The following SLIT2 variants were observed in gnomAD, a reference collection of about 807,000 sequenced individuals.
SLIT2 encodes slit guidance ligand 2, also known as slit homolog 2 protein.
Under a neutral mutation model 185.7 loss-of-function variants are expected in SLIT2, and 41 were observed. The ratio of observed to expected loss-of-function variants is 0.22; its 90% CI spans 0.17 to 0.29. The LOEUF (loss-of-function observed/expected upper bound fraction) is 0.29. Among genes scored for constraint, SLIT2 ranks in the 10% least tolerant of loss-of-function variants. The pLI, the probability that SLIT2 is intolerant of heterozygous loss-of-function variation, is 1.00. For synonymous variants in SLIT2, 693 were observed against 680.2 expected (o/e 1.02, Z -0.29); for missense variants, 1,571 against 1,909.0 (o/e 0.82, Z 3.30).
chr4:20,353,124 G>A (rs2109269174), intron 4 of SLIT2, among the ~76,000 whole-genome samples: 1 of 152,240 alleles, frequency 6.6e-6, no homozygotes, highest in Middle Eastern at 3.4e-3. Context: ...AGCTAGAGGT[G>A]CTGTAGTAGG....
Position 20,254,139 on chromosome 4 carries a change from C to T in SLIT2, c.179+145C>T, listed in dbSNP as rs1306873515. 2.4e-6 allele frequency: 2 copies of T among 818,502 alleles called. No homozygotes were observed. Among genetic ancestry groups the T allele is most frequent in the East Asian group, 2.7e-5 (1 of 37,606 alleles). The allele number at this position is 818,502 out of a possible 1,614,324, so 50.7% of individuals were successfully genotyped here. On this transcript the variant is annotated intron_variant, in intron 1 of 36. Coordinates refer to ENST00000504154, the MANE Select transcript of SLIT2 (RefSeq NM_004787.4). This position sits in a 1 kb window ranked among gnomAD's most constrained non-coding sequence, Gnocchi z 5.1. ...ATGCACATCCTGGGGTTGAGCTCTC[C>T]GGGAGGGCACTGGCCAGGGAAGGGC...
At chr4:20,423,580 G>A (rs1728325664) in intron 4 of SLIT2, among the ~76,000 whole-genome samples, 1 of 152,066 alleles carries the variant, frequency 6.6e-6, no homozygotes, top group South Asian at 2.1e-4. Flanking sequence ...AGAAGTGGTA[G>A]AATTCTCACT....
intron 21 of SLIT2, among the ~76,000 whole-genome samples, chr4:20,544,137 A>G (rs1048291483): frequency 6.6e-6 from 1 of 152,156 alleles, no homozygotes; most frequent in Non-Finnish European, 1.5e-5. Flanking sequence ...ACAAACCTGC[A>G]TGTTGTGCAC....
At chr4:20,256,877 GTGTT>G in intron 2 of SLIT2, 134 bp downstream of exon 2, 1 of 516,982 alleles carries the variant, frequency 1.9e-6, no homozygotes, top group African/African-American at 2.0e-5. Context: ...CCTTTTTTCT[GTGTT>G]TATCATTGTA....
At chr4:20,334,114 C>T (rs937913934) in intron 4 of SLIT2, among the ~76,000 whole-genome samples, 4 of 152,028 alleles carry the variant, frequency 2.6e-5, no homozygotes, top group African/African-American at 9.7e-5. Flanking sequence ...AAATCATCAT[C>T]CCATCTCTAG....
intron 4 of SLIT2, among the ~76,000 whole-genome samples, chr4:20,308,718 T>G (rs1717805193): frequency 6.6e-6 from 1 of 152,180 alleles, no homozygotes; most frequent in Non-Finnish European, 1.5e-5. Flanking sequence ...TTTGTACATA[T>G]GGGTATACTT....
chr4:20,547,932 G>A (rs1242898368), intron 22 of SLIT2, among the ~76,000 whole-genome samples: 1 of 151,924 alleles, frequency 6.6e-6, no homozygotes, highest in Non-Finnish European at 1.5e-5. Context: ...ACTCAGCCAG[G>A]GGCAGGAGCA....
Position 20,546,069 on chromosome 4 carries a change from A to G in SLIT2, c.2315A>G (p.Glu772Gly), listed in dbSNP as rs566046764. 6.3e-7 allele frequency: 1 copy of G among 1,589,054 alleles called. No individual in the cohort carries two copies. Among genetic ancestry groups the G allele is most frequent in the African/African-American group, 1.3e-5 (1 of 74,428 alleles). Residue 772 changes from glutamate to glycine, a missense_variant, in exon 22 of 37, where the codon GAA becomes GGA. Glu to Gly is a moderately conservative substitution (Grantham distance 98). Coordinates refer to ENST00000504154, the MANE Select transcript of SLIT2 (RefSeq NM_004787.4). ...AACCAATTTACACTGGTTCCCAAGGAACTCTCCAACTACAAACATTTAACA... is the reference window on the plus strand; with the variant it reads ...AACCAATTTACACTGGTTCCCAAGGGACTCTCCAACTACAAACATTTAACA... ...DGNQFTLVPK[E>G]LSNYKHLTLI... is the part of the protein sequence containing the mutation.
In SLIT2 at chr4:20,441,503, G is replaced by C. The variant is rs865851658; in HGVS notation, c.396-26249G>C. Among the ~76,000 whole-genome samples the C allele has an allele frequency of 8.8e-3, 642 of 73,322 alleles. 15 individuals are homozygous for C. Among genetic ancestry groups the C allele is most frequent in the African/African-American group, 0.032 (592 of 18,444 alleles). 48.1% of individuals were successfully genotyped at this position (73,322 alleles called of 152,430 possible). A position where few individuals can be genotyped will look rare whatever the true frequency, so the allele number is the denominator to read the frequency against. On this transcript the variant is annotated intron_variant, in intron 4 of 36. Transcript: ENST00000504154. ...CATCCAATCTCTCTCTCTCTCTCTC[G>C]CCCCCCCCCACTTCTGTCTCTCTCT... is the stretch of plus-strand genomic sequence containing the variant.
chr4:20,379,382 G>A (rs867341345), intron 4 of SLIT2, among the ~76,000 whole-genome samples: 11 of 152,096 alleles, frequency 7.2e-5, no homozygotes, highest in African/African-American at 2.2e-4. Context: ...ATGATATTAT[G>A]TACTTTATTT....
intron 4 of SLIT2, among the ~76,000 whole-genome samples, chr4:20,448,045 TC>T (rs1000918215): frequency 2.0e-5 from 3 of 152,204 alleles, no homozygotes; most frequent in Admixed American, 2.0e-4. Flanking sequence ...CAAGCTTGTA[TC>T]TACATGGTAA....
intron 3 of SLIT2, among the ~76,000 whole-genome samples, chr4:20,268,276 C>A (rs1039224285): frequency 1.3e-5 from 2 of 151,598 alleles, no homozygotes; most frequent in African/African-American, 2.4e-5. Flanking sequence ...GAGGTTTGAA[C>A]TCTGGGTTGG....
intron 5 of SLIT2, among the ~76,000 whole-genome samples, chr4:20,472,594 A>ATC (rs1344155876): frequency 0.02 from 448 of 22,652 alleles, 198 homozygotes; most frequent in African/African-American, 0.17. Flanking sequence ...ATATAGATAT[A>ATC]TATCTATAGA....
At chr4:20,573,203 CTT>C in intron 29 of SLIT2, 1 of 702,896 alleles carries the variant, frequency 1.4e-6, no homozygotes, top group South Asian at 1.5e-5. Context: ...TGTAAAAAGT[CTT>C]TTGTCTCTTC....
intron 4 of SLIT2, among the ~76,000 whole-genome samples, chr4:20,397,131 A>T (rs1725959724): frequency 6.6e-6 from 1 of 151,706 alleles, no homozygotes; most frequent in Non-Finnish European, 1.5e-5. Flanking sequence ...ATATTTTCTG[A>T]AGACTTGTTT....
In SLIT2 at chr4:20,562,877, G is replaced by T. The variant is rs148102243; in HGVS notation, c.2726-4385G>T. 1.3e-3 allele frequency among the ~76,000 whole-genome samples: 199 copies of T among 151,834 alleles called. 1 individual carries two copies. The highest frequency in any genetic ancestry group is 4.4e-3 in the African/African-American group (182 of 41,394). On this transcript the variant is annotated intron_variant, in intron 26 of 36. Transcript: ENST00000504154. ...TAGAAGGGCAGTGCTAGAGGATTTTGTTATTTGACCCATGTTTCCAAGGGA... is the reference window on the plus strand; with the variant it reads ...TAGAAGGGCAGTGCTAGAGGATTTTTTTATTTGACCCATGTTTCCAAGGGA...
chr4:20,464,319 C>T (rs573181741), intron 4 of SLIT2, among the ~76,000 whole-genome samples: 3 of 152,226 alleles, frequency 2.0e-5, no homozygotes, highest in Admixed American at 6.5e-5. Flanking sequence ...GTCCTCCTCC[C>T]GACTATCACC....
At chr4:20,507,019 A>G (rs1253234055) in intron 9 of SLIT2, among the ~76,000 whole-genome samples, 1 of 152,060 alleles carries the variant, frequency 6.6e-6, no homozygotes, top group Non-Finnish European at 1.5e-5. Context: ...GTCATTGTAC[A>G]GCTTTCTGTG....
At chr4:20,488,216 C>G (rs538837652) in intron 7 of SLIT2, among the ~76,000 whole-genome samples, 27 of 152,250 alleles carry the variant, frequency 1.8e-4, no homozygotes, top group Non-Finnish European at 3.8e-4. Flanking sequence ...AGTCCCTGCT[C>G]TTTGAGGCTA....
Sources: allele counts gnomAD v4.1 joint callset (sites outside exome capture counted in the v4.1 genomes callset), GRCh38; gene constraint gnomAD v4.1.1; non-coding constraint Gnocchi (gnomAD v3.1); transcripts MANE v1.5; gene names NCBI Gene and HGNC (gene_info 2026-07-23, HGNC 2026-07-21).